Variants in ACP3 observed in about 807,000 individuals in gnomAD.
The protein encoded by ACP3 is prostatic acid phosphatase.
ACP3 carries 38 observed loss-of-function variants against 45.6 expected under a neutral mutation model. That is an observed-to-expected ratio of 0.83 (90% CI 0.64 to 1.09). The LOEUF (loss-of-function observed/expected upper bound fraction) is 1.09. ACP3 is among the 50% of genes least tolerant of loss of function. The pLI is 0.00. For synonymous variants in ACP3, 162 were observed against 164.7 expected (o/e 0.98, Z 0.13); for missense variants, 466 against 463.2 (o/e 1.01, Z -0.05).
In ACP3 at chr3:132,357,327, T is replaced by C; in HGVS notation, c.*449T>C. 1.0e-6 allele frequency: 1 copy of C among 985,822 alleles called. No homozygotes were observed. Among genetic ancestry groups the C allele is most frequent in the Non-Finnish European group, 1.2e-6 (1 of 830,300 alleles). The allele number at this position is 985,822 out of a possible 1,614,324, so 61.1% of individuals were successfully genotyped here. On this transcript the variant is annotated 3_prime_UTR_variant, in exon 10 of 10. Transcript: ENST00000336375. ...TAGGATGGGAACAAGGAAGGAAAGATGTGAATAGGCTGATGGGCAAAAAAC... is the reference window on the plus strand; with the variant it reads ...TAGGATGGGAACAAGGAAGGAAAGACGTGAATAGGCTGATGGGCAAAAAAC...
At chr3:132,365,561 T>C (rs780589195) in intron 10 of ACP3, among the ~76,000 whole-genome samples, 16 of 152,212 alleles carry the variant, frequency 1.1e-4, no homozygotes, top group Non-Finnish European at 1.9e-4. Context: ...ATGATGTGGA[T>C]CCTCATAAAC....
chr3:132,347,719 A>G (rs1937628188), intron 7 of ACP3, among the ~76,000 whole-genome samples: 1 of 152,100 alleles, frequency 6.6e-6, no homozygotes, highest in African/African-American at 2.4e-5. Context: ...CCTGGGCTCA[A>G]GCGATCCTCC....
chr3:132,354,365 C>T (rs1261576657), intron 9 of ACP3, among the ~76,000 whole-genome samples: 1 of 152,148 alleles, frequency 6.6e-6, no homozygotes, highest in East Asian at 1.9e-4. Context: ...TGTTTTACGA[C>T]CCTGAGTTAA....
Position 132,355,274 on chromosome 3 carries a change from C to T in ACP3, c.969-1412C>T, listed in dbSNP as rs568212828. On this transcript the variant is annotated intron_variant, in intron 9 of 9. Coordinates refer to ENST00000336375, the MANE Select transcript of ACP3 (RefSeq NM_001099.5). ...GTGACTTGGTCCTACCTAGGTACAA[C>T]GTAGTCTTGGCAATGTGGTCACTTC... Among the ~76,000 whole-genome samples the T allele has an allele frequency of 1.1e-3, 172 of 152,274 alleles. 2 individuals are homozygous for T. In the South Asian group the frequency reaches 0.015, roughly 13 times the overall value.
chr3:132,323,354 T>C lies in ACP3; in HGVS notation c.121-4913T>C, dbSNP rs77042158. 3.6e-3 allele frequency among the ~76,000 whole-genome samples: 553 copies of C among 152,256 alleles called. 6 individuals carry two copies. The highest frequency in any genetic ancestry group is 0.013 in the African/African-American group (531 of 41,538). On this transcript the variant is annotated intron_variant, in intron 1 of 9. Coordinates refer to ENST00000336375, the MANE Select transcript of ACP3 (RefSeq NM_001099.5). ...TATTACTATGTTCCAGGCACTGTTT[T>C]GGGGTTATAGCAGTGCTTGTGACAG...
At chr3:132,341,665 T>C in intron 5 of ACP3, among the ~76,000 whole-genome samples, 1 of 152,216 alleles carries the variant, frequency 6.6e-6, no homozygotes, top group East Asian at 1.9e-4. Context: ...CCAGAACAGT[T>C]AAAATAGCAT....
chr3:132,343,369 C>T (rs1937573179), intron 6 of ACP3, among the ~76,000 whole-genome samples: 2 of 152,192 alleles, frequency 1.3e-5, no homozygotes, highest in Non-Finnish European at 2.9e-5. Flanking sequence ...TAACAGATGA[C>T]ACAGTTTGCC....
At position 132,356,928 on chromosome 3, in the gene ACP3, A is replaced by G; in HGVS notation, c.*50A>G. The G allele has an allele frequency of 6.4e-7, 1 of 1,562,762 alleles. No individual in the cohort carries two copies. Among genetic ancestry groups the G allele is most frequent in the Non-Finnish European group, 8.7e-7 (1 of 1,152,104 alleles). On this transcript the variant is annotated 3_prime_UTR_variant, in exon 10 of 10. Coordinates refer to ENST00000336375, the MANE Select transcript of ACP3 (RefSeq NM_001099.5). Reference sequence around the variant, plus strand: ...GAGTAGCTGCCCTTTCTCAGGGCAGATGATGCTTTGAGAACATACTTTGGC... The same window carrying G: ...GAGTAGCTGCCCTTTCTCAGGGCAGGTGATGCTTTGAGAACATACTTTGGC...
Position 132,356,950 on chromosome 3 carries a change from T to G in ACP3, c.*72T>G, listed in dbSNP as rs1242249524. 1 of 1,518,614 alleles carries G rather than the reference T, an allele frequency of 6.6e-7. No individual in the cohort carries two copies. The highest frequency in any genetic ancestry group is 1.4e-5 in the African/African-American group (1 of 71,454). 94.1% of individuals were successfully genotyped at this position (1,518,614 alleles called of 1,614,324 possible). ...CAGATGATGCTTTGAGAACATACTT[T>G]GGCCATTACCCCCAGCTTTGAGGAA... is the stretch of plus-strand genomic sequence containing the variant. On this transcript the variant is annotated 3_prime_UTR_variant, in exon 10 of 10. Coordinates refer to ENST00000336375, the MANE Select transcript of ACP3 (RefSeq NM_001099.5).
At chr3:132,339,600 A>G (rs1219276498) in intron 5 of ACP3, among the ~76,000 whole-genome samples, 1 of 152,222 alleles carries the variant, frequency 6.6e-6, no homozygotes, top group African/African-American at 2.4e-5. Flanking sequence ...GAACTCAGGG[A>G]AACACAGTTA....
chr3:132,356,820 G>C lies in ACP3; in HGVS notation c.1103G>C (p.Trp368Ser). The change falls in exon 10 of 10, where the codon TGG (tryptophan) becomes TCG (serine). Residue 368 changes from tryptophan to serine, a missense_variant. Physicochemically the swap from Trp to Ser is radical, Grantham distance 177. Transcript: ENST00000336375. ...ELVGPVIPQD[W>S]STECMTTNSH... ...GTTGGCCCTGTGATCCCTCAAGACT[G>C]GTCCACGGAGTGTATGACCACAAAC... The C allele has an allele frequency of 6.2e-7, 1 of 1,614,150 alleles. No homozygotes were observed. The highest frequency in any genetic ancestry group is 8.5e-7 in the Non-Finnish European group (1 of 1,180,024).
At position 132,327,476 on chromosome 3, in the gene ACP3, T is replaced by C. The variant is rs571985683; in HGVS notation, c.121-791T>C. 2.7e-3 allele frequency among the ~76,000 whole-genome samples: 405 copies of C among 148,912 alleles called. 2 individuals carry two copies. Among genetic ancestry groups the C allele is most frequent in the African/African-American group, 9.8e-3 (392 of 40,110 alleles). On this transcript the variant is annotated intron_variant, in intron 1 of 9. Transcript: ENST00000336375. Reference sequence around the variant, plus strand: ...CTACAGCGAGCCAAGATGGTGCCATTGCACTCCAGCCTAGATGACAGAGCA... The same window carrying C: ...CTACAGCGAGCCAAGATGGTGCCATCGCACTCCAGCCTAGATGACAGAGCA...
At chr3:132,366,544 A>G (rs918298085) in intron 10 of ACP3, among the ~76,000 whole-genome samples, 94 of 152,322 alleles carry the variant, frequency 6.2e-4, no homozygotes, top group African/African-American at 2.2e-3. Context: ...AGCCAACAGA[A>G]GAAGGGAGTT....
At chr3:132,364,569 T>C (rs16839144) in intron 10 of ACP3, among the ~76,000 whole-genome samples, 3,567 of 152,320 alleles carry the variant, frequency 0.023, 126 homozygotes, top group African/African-American at 0.081. Context: ...GAATACACTC[T>C]GCTGACTGCA....
intron 5 of ACP3, 63 bp downstream of exon 5, chr3:132,337,617 C>T: frequency 9.8e-7 from 1 of 1,020,066 alleles, no homozygotes; most frequent in Non-Finnish European, 1.5e-6. Context: ...AGTGTGAGGG[C>T]CAAGACACAA....
chr3:132,328,571 C>T (rs1576410561), intron 2 of ACP3, among the ~76,000 whole-genome samples: 2 of 149,912 alleles, frequency 1.3e-5, no homozygotes, highest in Non-Finnish European at 3.0e-5. Flanking sequence ...CCCAGCTACT[C>T]GGGAGTCTGA....
chr3:132,358,565 A>C lies in ACP3; in HGVS notation c.*1687A>C. Reference sequence around the variant, plus strand: ...AGAGATGGTTTCTACTGGCTGCCAGAATCTAGAGCAAAGCCATCCCCGCTC... The same window carrying C: ...AGAGATGGTTTCTACTGGCTGCCAGCATCTAGAGCAAAGCCATCCCCGCTC... On this transcript the variant is annotated 3_prime_UTR_variant, in exon 10 of 10. Transcript: ENST00000336375. The C allele has an allele frequency of 8.7e-7, 1 of 1,147,950 alleles. No homozygotes were observed. The highest frequency in any genetic ancestry group is 1.1e-6 in the Non-Finnish European group (1 of 905,800). The allele number at this position is 1,147,950 out of a possible 1,614,324, so 71.1% of individuals were successfully genotyped here. A position where few individuals can be genotyped will look rare whatever the true frequency, so the allele number is the denominator to read the frequency against.
chr3:132,347,684 A>G (rs1937626323), intron 7 of ACP3, among the ~76,000 whole-genome samples: 1 of 151,716 alleles, frequency 6.6e-6, no homozygotes, highest in South Asian at 2.1e-4. Context: ...GGGTCTCCTT[A>G]TGTTGCCCAG....
chr3:132,351,590 G>A (rs1319442107), intron 8 of ACP3, among the ~76,000 whole-genome samples: 1 of 152,244 alleles, frequency 6.6e-6, no homozygotes, highest in African/African-American at 2.4e-5. Context: ...ATAGGCCTGG[G>A]CAGGAGCAGA....
Sources: allele counts gnomAD v4.1 joint callset (sites outside exome capture counted in the v4.1 genomes callset), GRCh38; gene constraint gnomAD v4.1.1; transcripts MANE v1.5; gene names NCBI Gene and HGNC (gene_info 2026-07-23, HGNC 2026-07-21).